Variants in MDGA2 observed in about 807,000 individuals in gnomAD.
MDGA2 encodes the protein MAM domain containing glycosylphosphatidylinositol anchor 2, also known as MAM domain-containing glycosylphosphatidylinositol anchor protein 2.
Under a neutral mutation model 117.8 loss-of-function variants are expected in MDGA2, and 40 were observed. The ratio of observed to expected loss-of-function variants is 0.34; its 90% CI spans 0.26 to 0.44. The LOEUF is 0.44. Ranked by LOEUF, MDGA2 falls within the 20% of genes least tolerant of loss-of-function variation. The pLI, the probability that MDGA2 is intolerant of heterozygous loss-of-function variation, is 1.00. For missense variants in MDGA2, 1,123 were observed against 1,250.6 expected, an observed-to-expected ratio of 0.90 and a Z score of 1.54; for synonymous variants, 452 against 439.0, an observed-to-expected ratio of 1.03 and a Z score of -0.37.
At chr14:46,998,354 G>A (rs1029335423) in intron 8 of MDGA2, among the ~76,000 whole-genome samples, 6 of 152,102 alleles carry the variant, frequency 3.9e-5, no homozygotes, top group African/African-American at 1.4e-4. Flanking sequence ...ACTGTAAGAA[G>A]GGTGGAGCTA....
At chr14:47,290,580 T>TA (rs1402194835) in intron 2 of MDGA2, among the ~76,000 whole-genome samples, 3 of 152,116 alleles carry the variant, frequency 2.0e-5, no homozygotes, top group Non-Finnish European at 4.4e-5. Flanking sequence ...GCTAATGACT[T>TA]ATGGCTTTTC....
At chr14:46,921,275 C>G (rs1476533445) in intron 9 of MDGA2, among the ~76,000 whole-genome samples, 2 of 151,946 alleles carry the variant, frequency 1.3e-5, no homozygotes, top group African/African-American at 4.8e-5. Context: ...TTTATCATCA[C>G]TCATTTAACA....
intron 3 of MDGA2, among the ~76,000 whole-genome samples, chr14:47,176,090 T>C (rs1022310297): frequency 5.1e-4 from 78 of 152,028 alleles, no homozygotes; most frequent in Non-Finnish European, 1.0e-3. Context: ...ATCCAACTTA[T>C]AAGGGATGTG....
chr14:47,416,641 A>G (rs903412428), intron 1 of MDGA2, among the ~76,000 whole-genome samples: 2 of 152,160 alleles, frequency 1.3e-5, no homozygotes, highest in African/African-American at 4.8e-5. Flanking sequence ...TGAGGCTCCA[A>G]GTGACTCTAT....
At chr14:47,601,959 T>A (rs112711357) in intron 1 of MDGA2, among the ~76,000 whole-genome samples, 10 of 152,194 alleles carry the variant, frequency 6.6e-5, no homozygotes, top group African/African-American at 2.4e-4. Context: ...CTTATTTTCC[T>A]GGAGTCGCTA....
At chr14:47,606,520 T>C (rs556586326) in intron 1 of MDGA2, among the ~76,000 whole-genome samples, 20 of 152,296 alleles carry the variant, frequency 1.3e-4, no homozygotes, top group Admixed American at 1.0e-3. Context: ...CACTTCTCCA[T>C]CAGTAGGGGT....
chr14:46,909,089 T>C (rs1883602745), intron 10 of MDGA2, among the ~76,000 whole-genome samples: 1 of 152,198 alleles, frequency 6.6e-6, no homozygotes, highest in Non-Finnish European at 1.5e-5. Context: ...TCTACCAAAC[T>C]ATACGCTTCA....
intron 1 of MDGA2, among the ~76,000 whole-genome samples, chr14:47,643,240 AT>A (rs1897463464): frequency 6.6e-6 from 1 of 152,110 alleles, no homozygotes; most frequent in Admixed American, 6.5e-5. Context: ...AAAGGAAAAT[AT>A]TTTAAAGTAT....
chr14:47,367,266 A>G lies in MDGA2; in HGVS notation c.281-65716T>C, dbSNP rs147390480. Among the ~76,000 whole-genome samples the G allele has an allele frequency of 2.2e-3, 337 of 152,276 alleles. 3 individuals carry two copies. Among genetic ancestry groups the G allele is most frequent in the Non-Finnish European group, 4.9e-4 (33 of 67,988 alleles). The stretch of plus-strand genomic sequence containing the variant: ...ATCATCCATCTTGTTTCAGGGTATG[A>G]TAAGTTTTTGGAATTTTCTAAACAA... On this transcript the variant is annotated intron_variant, in intron 1 of 16. Transcript: ENST00000399232.
intron 12 of MDGA2, among the ~76,000 whole-genome samples, chr14:46,877,102 A>G (rs543981067): frequency 1.3e-5 from 2 of 151,702 alleles, no homozygotes; most frequent in African/African-American, 4.8e-5. Flanking sequence ...CTAAGTAACC[A>G]TACTCTTTTA....
intron 1 of MDGA2, among the ~76,000 whole-genome samples, chr14:47,498,736 C>A (rs187893062): frequency 6.6e-6 from 1 of 151,914 alleles, no homozygotes; most frequent in Admixed American, 6.6e-5. Flanking sequence ...CAATGCTTAA[C>A]AAAATAAAAA....
chr14:47,383,996 G>C lies in MDGA2; in HGVS notation c.281-82446C>G, dbSNP rs1192881809. Among the ~76,000 whole-genome samples the C allele has an allele frequency of 8.7e-5, 10 of 114,530 alleles. No individual in the cohort carries two copies. In the South Asian group the frequency reaches 2.7e-3, roughly 31 times the overall value. 75.1% of individuals were successfully genotyped at this position (114,530 alleles called of 152,430 possible). ...TAAATAGATAGATGATAGATAGATA[G>C]ATAGATAGATAGATAGATAATAGAT... On this transcript the variant is annotated intron_variant, in intron 1 of 16. Coordinates refer to ENST00000399232, the MANE Select transcript of MDGA2 (RefSeq NM_001113498.3).
chr14:47,239,782 A>T (rs1594746826), intron 2 of MDGA2, among the ~76,000 whole-genome samples: 2 of 152,016 alleles, frequency 1.3e-5, no homozygotes, highest in Admixed American at 6.5e-5. Context: ...TGATTGAATA[A>T]AAGTTATTTT....
intron 9 of MDGA2, among the ~76,000 whole-genome samples, chr14:46,920,711 C>G (rs1036448727): frequency 6.6e-6 from 1 of 152,074 alleles, no homozygotes; most frequent in African/African-American, 2.4e-5. Context: ...ACACCGATGC[C>G]TGAGAGGGAA....
Position 46,968,409 on chromosome 14 carries a change from T to C in MDGA2, c.1820-10766A>G, listed in dbSNP as rs983098166. Among the ~76,000 whole-genome samples the C allele has an allele frequency of 9.2e-5, 14 of 152,214 alleles. No homozygotes were observed. In the East Asian group the frequency reaches 9.7e-4, roughly 10 times the overall value. On this transcript the variant is annotated intron_variant, in intron 8 of 16. Coordinates refer to ENST00000399232, the MANE Select transcript of MDGA2 (RefSeq NM_001113498.3). Reference sequence around the variant, plus strand: ...CAGCACATCAACATAGTACTGGATGTCCGAGGCAGAGCAATTAGGCAAGAA... The same window carrying C: ...CAGCACATCAACATAGTACTGGATGCCCGAGGCAGAGCAATTAGGCAAGAA...
At chr14:47,480,110 T>C (rs1040424116) in intron 1 of MDGA2, among the ~76,000 whole-genome samples, 2 of 152,102 alleles carry the variant, frequency 1.3e-5, no homozygotes, top group Non-Finnish European at 2.9e-5. Flanking sequence ...TTAGAAATTA[T>C]TTCACACCTA....
At chr14:47,486,973 A>T (rs1894074796) in intron 1 of MDGA2, among the ~76,000 whole-genome samples, 1 of 152,196 alleles carries the variant, frequency 6.6e-6, no homozygotes, top group African/African-American at 2.4e-5. Flanking sequence ...GTTTTCCTTT[A>T]TCATTCTTAT....
intron 2 of MDGA2, among the ~76,000 whole-genome samples, chr14:47,249,239 G>A (rs570331437): frequency 2.6e-5 from 4 of 151,812 alleles, no homozygotes; most frequent in East Asian, 3.9e-4. Context: ...AGATGGTCTC[G>A]ATCTCTTGAC....
At chr14:47,167,374 C>T (rs1883927718) in intron 3 of MDGA2, among the ~76,000 whole-genome samples, 1 of 152,102 alleles carries the variant, frequency 6.6e-6, no homozygotes, top group Non-Finnish European at 1.5e-5. Flanking sequence ...TCTCTGTGTA[C>T]TCATGTCTTC....
Sources: gnomAD v4.1 joint callset for allele counts (sites outside exome capture counted in the v4.1 genomes callset) on GRCh38, gnomAD v4.1.1 for gene constraint, MANE v1.5 for transcripts, NCBI Gene and HGNC (gene_info 2026-07-23, HGNC 2026-07-21) for gene names.